Variants in TENM2 observed in about 807,000 individuals in gnomAD.
TENM2 encodes the protein teneurin transmembrane protein 2, also known as teneurin-2.
A neutral mutation model predicts 245.2 loss-of-function variants in TENM2; 52 were observed. The observed-to-expected ratio is 0.21, with a 90% CI of 0.17 to 0.27. The LOEUF is 0.27. Ranked by LOEUF, TENM2 falls within the 10% of genes least tolerant of loss-of-function variation. The pLI, the probability that TENM2 is intolerant of heterozygous loss-of-function variation, is 1.00. For missense variants in TENM2, 3,046 were observed against 3,666.8 expected (o/e 0.83, Z 4.37); for synonymous variants, 1,363 against 1,438.9 (o/e 0.95, Z 1.19).
At chr5:167,696,804 T>G (rs1757797111) in intron 2 of TENM2, among the ~76,000 whole-genome samples, 1 of 152,124 alleles carries the variant, frequency 6.6e-6, no homozygotes, top group African/African-American at 2.4e-5. Flanking sequence ...GCTGCTCCTC[T>G]TGCACCTCCC....
chr5:167,652,069 A>G (rs1040887588), intron 2 of TENM2, among the ~76,000 whole-genome samples: 3 of 152,212 alleles, frequency 2.0e-5, no homozygotes, highest in East Asian at 1.9e-4. Context: ...TTGCTATCTT[A>G]TGCTCTTCTT....
At chr5:168,195,081 G>A in intron 14 of TENM2, 95 bp from the exon 17 acceptor site, 1 of 1,432,910 alleles carries the variant, frequency 7.0e-7, no homozygotes, top group Admixed American at 2.0e-5. Flanking sequence ...CTCCTTGCCT[G>A]AGGGACCAGA....
intron 2 of TENM2, among the ~76,000 whole-genome samples, chr5:167,780,874 A>G (rs1764143313): frequency 1.3e-5 from 2 of 152,190 alleles, no homozygotes; most frequent in Admixed American, 6.5e-5. Flanking sequence ...ACCCAACTAC[A>G]CTTACATAAC....
chr5:168,206,462 A>G (rs1342657540), intron 19 of TENM2, among the ~76,000 whole-genome samples: 1 of 152,204 alleles, frequency 6.6e-6, no homozygotes, highest in African/African-American at 2.4e-5. Flanking sequence ...CACCTGGGGA[A>G]GTCAGTGCAG....
chr5:167,678,300 T>C (rs1226598423), intron 2 of TENM2, among the ~76,000 whole-genome samples: 1 of 152,150 alleles, frequency 6.6e-6, no homozygotes, highest in East Asian at 1.9e-4. Context: ...AAAAGCAAGA[T>C]ACGAAACACT....
chr5:168,228,840 A>G (rs534771609), intron 25 of TENM2, among the ~76,000 whole-genome samples: 1 of 149,252 alleles, frequency 6.7e-6, no homozygotes, highest in Non-Finnish European at 1.5e-5. Flanking sequence ...TAAAACCAAT[A>G]TATAACATTA....
At chr5:167,007,186 C>T in the TENM2 span, among the ~76,000 whole-genome samples, 1 of 152,046 alleles carries the variant, frequency 6.6e-6, no homozygotes, top group Non-Finnish European at 1.5e-5. The surrounding 1 kb of genome is among the most constrained non-coding windows in gnomAD (Gnocchi z 4.2). Flanking sequence ...CACAGATTTC[C>T]ATTTCCTTTT....
chr5:167,723,453 A>C (rs1439400340), intron 2 of TENM2, among the ~76,000 whole-genome samples: 3 of 152,134 alleles, frequency 2.0e-5, no homozygotes, highest in East Asian at 3.9e-4. Flanking sequence ...TTCTCAGCAA[A>C]ACCGCCAGAG....
chr5:168,156,650 C>A (rs748085944), intron 12 of TENM2, among the ~76,000 whole-genome samples: 8 of 152,040 alleles, frequency 5.3e-5, no homozygotes, highest in Non-Finnish European at 1.0e-4. Context: ...GTAGACATTA[C>A]TTTGTTCATG....
chr5:167,105,907 A>C, the TENM2 span, among the ~76,000 whole-genome samples: 3 of 137,944 alleles, frequency 2.2e-5, no homozygotes, highest in Admixed American at 7.1e-5. Flanking sequence ...AAAAAAAAAA[A>C]AAAAAAAAAA....
chr5:168,023,625 G>C (rs1323420137), intron 5 of TENM2, among the ~76,000 whole-genome samples: 1 of 152,224 alleles, frequency 6.6e-6, no homozygotes, highest in East Asian at 1.9e-4. Context: ...CAGTTGTTTA[G>C]AGAGCAGCTG....
chr5:167,973,088 A>G (rs1237556102), intron 4 of TENM2, among the ~76,000 whole-genome samples: 1 of 152,214 alleles, frequency 6.6e-6, no homozygotes, highest in Non-Finnish European at 1.5e-5. Flanking sequence ...TGGGGATATT[A>G]TAAGAATGTC....
chr5:168,106,020 C>T (rs1794212227), intron 9 of TENM2, among the ~76,000 whole-genome samples: 1 of 152,120 alleles, frequency 6.6e-6, no homozygotes, highest in South Asian at 2.1e-4. Context: ...TTGACACTGG[C>T]TTCTCAGATG....
At chr5:167,488,220 C>T (rs540140081) in intron 2 of TENM2, among the ~76,000 whole-genome samples, 3 of 152,200 alleles carry the variant, frequency 2.0e-5, no homozygotes, top group East Asian at 1.9e-4. Flanking sequence ...TTTAAAAAAT[C>T]GATTCTTGAT....
At chr5:167,380,024 A>G (rs369541155) in intron 2 of TENM2, among the ~76,000 whole-genome samples, 3 of 151,978 alleles carry the variant, frequency 2.0e-5, no homozygotes, top group East Asian at 1.9e-4. Context: ...ATACCTGTAC[A>G]TTTAAAAGAA....
At chr5:167,107,120 G>T in the TENM2 span, among the ~76,000 whole-genome samples, 13 of 150,758 alleles carry the variant, frequency 8.6e-5, no homozygotes, top group Non-Finnish European at 3.0e-5. Flanking sequence ...AATTAGCCAG[G>T]CATGGTGGTG....
intron 2 of TENM2, among the ~76,000 whole-genome samples, chr5:167,873,233 T>A (rs1001067399): frequency 1.3e-5 from 2 of 152,256 alleles, no homozygotes; most frequent in Non-Finnish European, 2.9e-5. Context: ...CTCTGTCGGA[T>A]GATAGCGGCT....
intron 27 of TENM2, 107 bp from the exon 30 acceptor site, chr5:168,260,176 G>T: frequency 8.4e-7 from 1 of 1,193,248 alleles, no homozygotes; most frequent in South Asian, 1.4e-5. Context: ...CCTCCCCTTT[G>T]GGCCCTACAC....
At chr5:168,203,788 G>C (rs771946004) in exon 18 of TENM2, 1 of 1,613,436 alleles carries the variant, frequency 6.2e-7, no homozygotes, top group South Asian at 1.1e-5. Context: ...TCCAACCTCG[G>C]TGGCTGGTCC....
Sources: allele counts gnomAD v4.1 joint callset (sites outside exome capture counted in the v4.1 genomes callset), GRCh38; gene constraint gnomAD v4.1.1; non-coding constraint Gnocchi (gnomAD v3.1); transcripts MANE v1.5; gene names NCBI Gene and HGNC (gene_info 2026-07-23, HGNC 2026-07-21).